The following VWA3B variants were observed in gnomAD, a reference collection of about 807,000 sequenced individuals.
The protein encoded by VWA3B is von Willebrand factor A domain-containing protein 3B.
In VWA3B, 138 loss-of-function variants were observed where a neutral mutation model predicts 158.3. The ratio of observed to expected loss-of-function variants is 0.87; its 90% CI spans 0.76 to 1.00. The LOEUF is 1.00. Among genes scored for constraint, VWA3B ranks in the 50% least tolerant of loss-of-function variants. The probability of loss-of-function intolerance (pLI) is 0.00; values close to 1 mark genes in which losing one functional copy is unlikely to be tolerated. For missense variants in VWA3B, 1,555 were observed against 1,565.1 expected (o/e 0.99, Z 0.11); for synonymous variants, 596 against 587.3 (o/e 1.01, Z -0.21).
rs922702688 is a variant in VWA3B at position 98,098,030 on chromosome 2, C to A, written c.196+4742C>A. On this transcript the variant is annotated intron_variant, in intron 2 of 27. Coordinates refer to ENST00000477737, the MANE Select transcript of VWA3B (RefSeq NM_144992.5). ...AATTTCAATGTATTCGTTAATTTTC[C>A]AAAGTTCCTCCTAGTGCTGATTTCC... Among the ~76,000 whole-genome samples, 4 of 151,912 alleles carry A rather than the reference C, an allele frequency of 2.6e-5. 1 individual carries two copies. In the South Asian group the frequency reaches 8.3e-4, roughly 31 times the overall value.
Position 98,236,587 on chromosome 2 carries a change from T to A in VWA3B, c.2530T>A (p.Ser844Thr). 2 of 1,614,220 alleles carry A rather than the reference T, an allele frequency of 1.2e-6. No individual in the cohort carries two copies. The highest frequency in any genetic ancestry group is 1.7e-6 in the Non-Finnish European group (2 of 1,180,024). Residue 844 changes from serine to threonine, a missense_variant, in exon 19 of 28, where the codon TCT (serine) becomes ACT (threonine). Transcript: ENST00000477737. ...TTGTGTTCTTAGTTCTTCAGATGTG[T>A]CTTCAGAAAACTGGCTGAAGACCTA... is the stretch of plus-strand genomic sequence containing the variant. ...QVYDHDSSDV[S>T]SENWLKTYGL...
At chr2:98,157,594 T>C (rs1347524589) in intron 7 of VWA3B, among the ~76,000 whole-genome samples, 1 of 152,270 alleles carries the variant, frequency 6.6e-6, no homozygotes, top group Non-Finnish European at 1.5e-5. Flanking sequence ...TTATATTTTT[T>C]AATGTTATAT....
chr2:98,178,675 C>T (rs1431028311), intron 8 of VWA3B, among the ~76,000 whole-genome samples: 1 of 152,216 alleles, frequency 6.6e-6, no homozygotes, highest in Non-Finnish European at 1.5e-5. Context: ...AGTGGCAAAG[C>T]TTGGCTGCAC....
intron 8 of VWA3B, among the ~76,000 whole-genome samples, chr2:98,166,217 A>T (rs1162319208): frequency 6.6e-6 from 1 of 152,124 alleles, no homozygotes; most frequent in African/African-American, 2.4e-5. Context: ...CATGCCTTTA[A>T]TCCCAGCCAC....
downstream of VWA3B, among the ~76,000 whole-genome samples, chr2:98,313,580 G>A (rs1295529715): frequency 6.6e-6 from 1 of 152,190 alleles, no homozygotes; most frequent in Non-Finnish European, 1.5e-5. Flanking sequence ...ATAGGCATTG[G>A]TTCATTTATT....
Position 98,187,780 on chromosome 2 carries a change from A to G in VWA3B, c.1312-195A>G, listed in dbSNP as rs192686342. Among the ~76,000 whole-genome samples, 8 of 151,440 alleles carry G rather than the reference A, an allele frequency of 5.3e-5. No homozygotes were observed. The East Asian group carries it at 1.2e-3, about 22-fold the overall frequency. The stretch of plus-strand genomic sequence containing the variant: ...GTGATCTCCTGTATCTTTCTGGCCT[A>G]TGTTCATGACATCTAGTGCAGGGCT... On this transcript the variant is annotated intron_variant, in intron 9 of 27. Transcript: ENST00000477737.
chr2:98,205,760 T>G (rs1682965618), intron 12 of VWA3B, among the ~76,000 whole-genome samples: 1 of 152,240 alleles, frequency 6.6e-6, no homozygotes, highest in African/African-American at 2.4e-5. Flanking sequence ...TTTAATTTTC[T>G]TTGTGATTTA....
At chr2:98,269,860 C>G (rs926258520) in intron 21 of VWA3B, among the ~76,000 whole-genome samples, 2 of 152,204 alleles carry the variant, frequency 1.3e-5, no homozygotes, top group African/African-American at 4.8e-5. Context: ...TTGCTGTCTT[C>G]TGGGTACGAG....
chr2:98,311,801 A>G lies in VWA3B; in HGVS notation c.3522-18A>G. On this transcript the variant is annotated intron_variant, in intron 26 of 27. Coordinates refer to ENST00000477737, the MANE Select transcript of VWA3B (RefSeq NM_144992.5). ...CAGCCATCAAGGCAGGGTAACCCTG[A>G]TCTCTCTCTGTCTCTAGAGAGGATG... is the stretch of plus-strand genomic sequence containing the variant. The G allele has an allele frequency of 6.4e-7, 1 of 1,572,822 alleles. No homozygotes were observed. Among genetic ancestry groups the G allele is most frequent in the East Asian group, 2.3e-5 (1 of 44,126 alleles).
Position 98,312,509 on chromosome 2 carries a change from C to T in VWA3B, c.*160C>T. 3 of 840,854 alleles carry T rather than the reference C, an allele frequency of 3.6e-6. No homozygotes were observed. The highest frequency in any genetic ancestry group is 5.3e-6 in the Non-Finnish European group (3 of 569,128). 52.1% of individuals were successfully genotyped at this position (840,854 alleles called of 1,614,324 possible). ...GCAAAGACTCCTCTCCCCTCCATCCCTGCTGCCTCCCCTACCCGTTTGACG... is the reference window on the plus strand; with the variant it reads ...GCAAAGACTCCTCTCCCCTCCATCCTTGCTGCCTCCCCTACCCGTTTGACG... On this transcript the variant is annotated 3_prime_UTR_variant, in exon 28 of 28. Coordinates refer to ENST00000477737, the MANE Select transcript of VWA3B (RefSeq NM_144992.5).
chr2:98,312,241 C>T lies in VWA3B; in HGVS notation c.3777C>T (p.Leu1259=), dbSNP rs1461141004. 6.2e-7 allele frequency: 1 copy of T among 1,614,086 alleles called. No homozygotes were observed. Among genetic ancestry groups the T allele is most frequent in the Non-Finnish European group, 8.5e-7 (1 of 1,180,044 alleles). The part of the protein sequence containing the change: ...LHFPAAGRLG[L]SSHAIIATPP... ...TCCCCGCGGCCGGGCGTCTAGGACTCAGCAGCCACGCCATCATTGCCACAC... is the reference window on the plus strand; with the variant it reads ...TCCCCGCGGCCGGGCGTCTAGGACTTAGCAGCCACGCCATCATTGCCACAC... The change falls in exon 28 of 28, where the codon CTC becomes CTT. Residue 1259 remains leucine (L), a synonymous_variant. Transcript: ENST00000477737.
chr2:98,155,139 A>C (rs911186470), intron 7 of VWA3B, among the ~76,000 whole-genome samples: 38 of 152,236 alleles, frequency 2.5e-4, no homozygotes, highest in African/African-American at 8.9e-4. Flanking sequence ...CGTGGGTGAC[A>C]GCCGATTCCA....
At chr2:98,112,693 A>T (rs1021993921) in intron 2 of VWA3B, among the ~76,000 whole-genome samples, 2 of 151,600 alleles carry the variant, frequency 1.3e-5, no homozygotes, top group African/African-American at 4.8e-5. Flanking sequence ...TTTTTAATCA[A>T]ATCTTGGAAA....
chr2:98,227,621 A>G (rs1292021357), intron 14 of VWA3B, among the ~76,000 whole-genome samples: 2 of 152,222 alleles, frequency 1.3e-5, no homozygotes, highest in Non-Finnish European at 2.9e-5. Context: ...ATAATTATAT[A>G]AATGAAGAAA....
At chr2:98,151,202 T>C (rs536984902) in intron 7 of VWA3B, among the ~76,000 whole-genome samples, 12 of 151,988 alleles carry the variant, frequency 7.9e-5, no homozygotes, top group African/African-American at 1.4e-4. Context: ...AACCTCCACC[T>C]CCTGGGTTCA....
intron 19 of VWA3B, among the ~76,000 whole-genome samples, chr2:98,239,751 A>AAACAGCAAAGCC (rs1685953529): frequency 7.9e-5 from 12 of 151,568 alleles, no homozygotes; most frequent in African/African-American, 2.7e-4. Context: ...GTCTGTACTA[A>AAACAGCAAAGCC]AAATACAAAA....
intron 2 of VWA3B, among the ~76,000 whole-genome samples, chr2:98,102,952 T>G (rs981802558): frequency 6.6e-6 from 1 of 152,228 alleles, no homozygotes; most frequent in Non-Finnish European, 1.5e-5. Flanking sequence ...AAATTGTGTT[T>G]TTCAAGGAAT....
In VWA3B at chr2:98,247,209, G is replaced by A. The variant is rs575378957; in HGVS notation, c.2674-3109G>A. The stretch of plus-strand genomic sequence containing the variant: ...GACGGGGTTTCACCATGTTGGCCAG[G>A]CTGGTCTTGATCTCCTGACCTCAAG... On this transcript the variant is annotated intron_variant, in intron 19 of 27. Coordinates refer to ENST00000477737, the MANE Select transcript of VWA3B (RefSeq NM_144992.5). 9.2e-5 allele frequency among the ~76,000 whole-genome samples: 14 copies of A among 152,034 alleles called. No homozygotes were observed. The East Asian group carries it at 1.4e-3, about 15-fold the overall frequency.
chr2:98,198,960 G>A (rs763798835), intron 12 of VWA3B, among the ~76,000 whole-genome samples: 11 of 152,014 alleles, frequency 7.2e-5, no homozygotes, highest in East Asian at 1.9e-4. Context: ...GGTGGTGTGC[G>A]CCTGTAGTAC....
Sources: allele counts gnomAD v4.1 joint callset (sites outside exome capture counted in the v4.1 genomes callset), GRCh38; gene constraint gnomAD v4.1.1; transcripts MANE v1.5; gene names NCBI Gene and HGNC (gene_info 2026-07-23, HGNC 2026-07-21).